Variants in SPICE1 observed in about 807,000 individuals in gnomAD.
The protein encoded by SPICE1 is spindle and centriole associated protein 1.
SPICE1 carries 75 observed loss-of-function variants against 102.7 expected under a neutral mutation model. The observed-to-expected ratio is 0.73, with a 90% CI of 0.61 to 0.88. The LOEUF (loss-of-function observed/expected upper bound fraction) is 0.88. Ranked by LOEUF, SPICE1 falls within the 40% of genes least tolerant of loss-of-function variation. The pLI, the probability that SPICE1 is intolerant of heterozygous loss-of-function variation, is 0.00. For missense variants in SPICE1, 979 were observed against 1,020.1 expected (o/e 0.96, Z 0.55); for synonymous variants, 308 against 350.3 (o/e 0.88, Z 1.35).
chr3:113,450,238 T>C (rs1367516627), intron 15 of SPICE1, 98 bp downstream of exon 15: 2 of 1,423,296 alleles, frequency 1.4e-6, no homozygotes, highest in Non-Finnish European at 2.0e-6. Context: ...CCAAAATATA[T>C]GCTCTGATAC....
intron 7 of SPICE1, among the ~76,000 whole-genome samples, chr3:113,486,124 T>C (rs900299484): frequency 6.8e-6 from 1 of 146,052 alleles, no homozygotes; most frequent in African/African-American, 2.5e-5. Flanking sequence ...AAATGAAAAA[T>C]AAAATAAAAT....
intron 17 of SPICE1, among the ~76,000 whole-genome samples, chr3:113,446,364 GT>G (rs1320430669): frequency 6.6e-6 from 1 of 152,188 alleles, no homozygotes; most frequent in Non-Finnish European, 1.5e-5. Flanking sequence ...TTTAAGGACT[GT>G]TGAATATCCT....
chr3:113,468,103 C>A, intron 10 of SPICE1, 36 bp downstream of exon 10: 1 of 1,566,892 alleles, frequency 6.4e-7, no homozygotes, highest in Non-Finnish European at 8.7e-7. Context: ...TGCATTTCTG[C>A]CTGAAAAGAA....
chr3:113,477,792 G>T (rs1426248049), intron 7 of SPICE1, among the ~76,000 whole-genome samples: 4 of 143,588 alleles, frequency 2.8e-5, no homozygotes, highest in Admixed American at 7.1e-5. Context: ...GTTGTGGGAT[G>T]GGGGGAGGGG....
chr3:113,460,523 A>G (rs2107455269), intron 12 of SPICE1, 94 bp downstream of exon 12: 1 of 1,492,406 alleles, frequency 6.7e-7, no homozygotes. Context: ...AACAGTCAAT[A>G]AGTCTATATA....
chr3:113,459,100 T>C (rs979276602), intron 12 of SPICE1, among the ~76,000 whole-genome samples: 1 of 152,250 alleles, frequency 6.6e-6, no homozygotes, highest in Non-Finnish European at 1.5e-5. Flanking sequence ...TGGGATGCTG[T>C]TAATCTATAA....
intron 7 of SPICE1, among the ~76,000 whole-genome samples, chr3:113,482,358 T>TCTCCCA (rs1936531116): frequency 1.3e-5 from 2 of 152,232 alleles, no homozygotes; most frequent in Non-Finnish European, 2.9e-5. Flanking sequence ...TTCTGTAGAT[T>TCTCCCA]ACCTGTTCAC....
chr3:113,513,261 A>G (rs1387016011), intron 1 of SPICE1, among the ~76,000 whole-genome samples: 2 of 152,094 alleles, frequency 1.3e-5, no homozygotes, highest in Non-Finnish European at 2.9e-5. Flanking sequence ...ATTTTTTTTA[A>G]TTAGCCAGGA....
In SPICE1 at chr3:113,467,081, C is replaced by T. The variant is rs182306771; in HGVS notation, c.1155+1058G>A. ...AAAAAGCAATTCAATTTTAGGAAGA[C>T]GGCTCTAGAGAAACTAAAACATCTG... On this transcript the variant is annotated intron_variant, in intron 10 of 17. Transcript: ENST00000295872. 2.6e-4 allele frequency among the ~76,000 whole-genome samples: 40 copies of T among 152,168 alleles called. No individual in the cohort carries two copies. In the East Asian group the frequency reaches 5.6e-3, roughly 21 times the overall value.
chr3:113,491,687 T>G (rs934205260), intron 6 of SPICE1, among the ~76,000 whole-genome samples: 3 of 149,996 alleles, frequency 2.0e-5, no homozygotes, highest in Admixed American at 2.0e-4. Context: ...TTCTGATGTA[T>G]AGTGGTCCTC....
intron 12 of SPICE1, among the ~76,000 whole-genome samples, 155 bp from the exon 13 acceptor site, chr3:113,457,512 C>T (rs574543203): frequency 6.6e-6 from 1 of 152,318 alleles, no homozygotes; most frequent in African/African-American, 2.4e-5. Context: ...GTATCCTCCT[C>T]TGCCAATCAT....
intron 1 of SPICE1, among the ~76,000 whole-genome samples, chr3:113,508,374 T>C (rs1427419016): frequency 1.3e-5 from 2 of 152,092 alleles, no homozygotes; most frequent in African/African-American, 4.8e-5. Context: ...AAATCCTCTA[T>C]CTGATAAAGG....
At chr3:113,506,638 T>C (rs371911082) in intron 1 of SPICE1, 33 bp from the exon 2 acceptor site, 2 of 1,550,520 alleles carry the variant, frequency 1.3e-6, no homozygotes, top group Non-Finnish European at 1.8e-6. Flanking sequence ...ATTTTTAAAA[T>C]ACAAGAAAAA....
chr3:113,466,596 G>A (rs1379138370), intron 10 of SPICE1, among the ~76,000 whole-genome samples: 1 of 147,744 alleles, frequency 6.8e-6, no homozygotes, highest in African/African-American at 2.5e-5. Context: ...GCAACAGAGC[G>A]AGACTCTGTC....
At chr3:113,474,641 A>G (rs1459206351) in intron 7 of SPICE1, among the ~76,000 whole-genome samples, 1 of 152,186 alleles carries the variant, frequency 6.6e-6, no homozygotes, top group Non-Finnish European at 1.5e-5. Flanking sequence ...AACTCACTCA[A>G]AACCGCTCAA....
chr3:113,468,693 C>G, intron 9 of SPICE1, 69 bp downstream of exon 9: 3 of 1,506,280 alleles, frequency 2.0e-6, no homozygotes, highest in Non-Finnish European at 2.7e-6. Flanking sequence ...AAAACATTGA[C>G]TAAGAGATTA....
chr3:113,472,888 T>C lies in SPICE1; in HGVS notation c.612-3650A>G, dbSNP rs552593370. Among the ~76,000 whole-genome samples the C allele has an allele frequency of 5.9e-5, 9 of 152,222 alleles. No homozygotes were observed. In the South Asian group the frequency reaches 1.9e-3, roughly 32 times the overall value. On this transcript the variant is annotated intron_variant, in intron 7 of 17. Transcript: ENST00000295872. ...CTAAAAAGCAGAGCACCTCTCCTCC[T>C]CCAAAGGAACGCAGTTCCTCACTAC...
At chr3:113,491,903 C>T (rs1026263175) in intron 6 of SPICE1, among the ~76,000 whole-genome samples, 3 of 152,106 alleles carry the variant, frequency 2.0e-5, no homozygotes, top group African/African-American at 4.8e-5. Flanking sequence ...CTCAAGTGTG[C>T]GAATGGACTC....
Position 113,488,940 on chromosome 3 carries a change from C to T in SPICE1, c.611+5G>A. ...GTTGTAAATATTTATGCCATATACA[C>T]ATACCTGTCTGTATTCGTGTTAGAC... On this transcript the variant is annotated splice_donor_5th_base_variant and intron_variant, in intron 7 of 17. Transcript: ENST00000295872. 6.4e-7 allele frequency: 1 copy of T among 1,560,554 alleles called. No individual in the cohort carries two copies. The highest frequency in any genetic ancestry group is 8.8e-7 in the Non-Finnish European group (1 of 1,131,396).
Sources: allele counts gnomAD v4.1 joint callset (sites outside exome capture counted in the v4.1 genomes callset), GRCh38; gene constraint gnomAD v4.1.1; transcripts MANE v1.5; gene names NCBI Gene and HGNC (gene_info 2026-07-23, HGNC 2026-07-21).